The following BIRC6 variants were observed in gnomAD, a reference collection of about 807,000 sequenced individuals.
BIRC6 encodes dual E2 ubiquitin-conjugating enzyme/E3 ubiquitin-protein ligase BIRC6.
BIRC6 carries 98 observed loss-of-function variants against 503.3 expected under a neutral mutation model. The observed-to-expected ratio is 0.19, with a 90% confidence interval of 0.17 to 0.23. The LOEUF is 0.23. Ranked by LOEUF, BIRC6 falls within the 10% of genes least tolerant of loss-of-function variation. BIRC6 has a pLI of 1.00. For synonymous variants in BIRC6, 2,240 were observed against 2,078.7 expected, an observed-to-expected ratio of 1.08 and a Z score of -2.11; for missense variants, 5,360 against 5,806.0, an observed-to-expected ratio of 0.92 and a Z score of 2.50.
intron 8 of BIRC6, 43 bp from the exon 9 acceptor site, chr2:32,406,456 T>A: frequency 6.8e-7 from 1 of 1,460,032 alleles, no homozygotes; most frequent in Non-Finnish European, 9.5e-7. Context: ...TGATGTATAC[T>A]TTTTTTGAAA....
chr2:32,450,515 C>T (rs531330069), intron 22 of BIRC6, among the ~76,000 whole-genome samples: 1 of 152,186 alleles, frequency 6.6e-6, no homozygotes, highest in South Asian at 2.1e-4. Context: ...TGTTGTTCCT[C>T]ATTATTAGTC....
At chr2:32,561,207 A>C (rs929714630) in intron 65 of BIRC6, among the ~76,000 whole-genome samples, 4 of 151,822 alleles carry the variant, frequency 2.6e-5, no homozygotes, top group African/African-American at 9.7e-5. Flanking sequence ...CAAAAAAAAA[A>C]AAATTGACCT....
intron 33 of BIRC6, 56 bp from the exon 34 acceptor site, chr2:32,476,157 T>C (rs557467633): frequency 9.8e-5 from 133 of 1,361,906 alleles, no homozygotes; most frequent in Non-Finnish European, 6.9e-5. Flanking sequence ...AGGAGTATAA[T>C]AATTTTTTTG....
At chr2:32,537,780 C>T (rs887552525) in intron 61 of BIRC6, among the ~76,000 whole-genome samples, 7 of 151,986 alleles carry the variant, frequency 4.6e-5, no homozygotes, top group Non-Finnish European at 7.4e-5. Flanking sequence ...TCCTGGCTAA[C>T]GTGGTGAAAT....
Position 32,549,393 on chromosome 2 carries a change from C to T in BIRC6, c.13056C>T (p.Asn4352=). 2 of 1,519,334 alleles carry T rather than the reference C, an allele frequency of 1.3e-6. No individual in the cohort carries two copies. Among genetic ancestry groups the T allele is most frequent in the Non-Finnish European group, 1.8e-6 (2 of 1,114,108 alleles). The allele number at this position is 1,519,334 out of a possible 1,614,324, so 94.1% of individuals were successfully genotyped here. The part of the protein sequence containing the change: ...AQSSHETRGQ[N]SNALPSVLLE... ...CATCTCATGAGACTAGAGGGCAGAA[C>T]AGTAATGCCCTTCCTTCTGTACTTC... The change falls in exon 65 of 74, where the codon AAC becomes AAT. Residue 4352 remains asparagine, a synonymous_variant. Coordinates refer to ENST00000421745, the MANE Select transcript of BIRC6 (RefSeq NM_016252.4).
intron 66 of BIRC6, among the ~76,000 whole-genome samples, chr2:32,587,113 A>G (rs1967742): frequency 0.98 from 149,676 of 152,374 alleles, 73,562 homozygotes; most frequent in Middle Eastern, 1. Context: ...AAGGGGCCGG[A>G]CATTGTGGCT....
rs10528992 is a variant in BIRC6, at chr2:32,508,276, C to CTTTTTTTTTTTTTTTT, written c.9980+29_9980+44dup. 1.2e-4 allele frequency: 102 copies of CTTTTTTTTTTTTTTTT among 864,850 alleles called. 9 individuals are homozygous for CTTTTTTTTTTTTTTTT. The African/African-American group carries it at 2.4e-3, about 21-fold the overall frequency. The allele number at this position is 864,850 out of a possible 1,614,324, so 53.6% of individuals were successfully genotyped here. A position where few individuals can be genotyped will look rare whatever the true frequency, so the allele number is the denominator to read the frequency against. On this transcript the variant is annotated intron_variant, in intron 51 of 73. Coordinates refer to ENST00000421745, the MANE Select transcript of BIRC6 (RefSeq NM_016252.4). ...CAAAACAAGGTATGTTTTGTTTGTC[C>CTTTTTTTTTTTTTTTT]TTTTTTTTTTTTTTTTTTTTTTTTT...
chr2:32,416,299 C>T (rs1043537861), intron 10 of BIRC6, 136 bp downstream of exon 10: 85 of 922,740 alleles, frequency 9.2e-5, no homozygotes, highest in Non-Finnish European at 1.3e-4. Context: ...GTGGTAAATC[C>T]TTCTTTTTAA....
intron 65 of BIRC6, chr2:32,566,205 A>T (rs893493423): frequency 6.6e-6 from 1 of 152,156 alleles, no homozygotes; most frequent in Non-Finnish European, 1.5e-5. Flanking sequence ...GCATATTCTA[A>T]TTTTTTATGG....
chr2:32,579,558 C>T (rs1440125060), intron 66 of BIRC6, among the ~76,000 whole-genome samples: 2 of 152,006 alleles, frequency 1.3e-5, no homozygotes, highest in Non-Finnish European at 2.9e-5. Context: ...ATATCGTGGG[C>T]TGCACCTGTA....
intron 25 of BIRC6, 103 bp from the exon 26 acceptor site, chr2:32,464,962 A>G: frequency 7.5e-7 from 1 of 1,326,382 alleles, no homozygotes; most frequent in Non-Finnish European, 1.0e-6. Flanking sequence ...CAGTACATAC[A>G]TTAAGAGAAG....
chr2:32,587,463 T>A (rs1351297295), intron 66 of BIRC6, among the ~76,000 whole-genome samples: 4 of 152,156 alleles, frequency 2.6e-5, no homozygotes, highest in Non-Finnish European at 5.9e-5. Context: ...TTGGGCTAAG[T>A]GTGGCGGTTC....
intron 21 of BIRC6, among the ~76,000 whole-genome samples, chr2:32,446,303 T>G (rs536758442): frequency 6.6e-6 from 1 of 152,354 alleles, no homozygotes; most frequent in African/African-American, 2.4e-5. Flanking sequence ...TGGAATTATG[T>G]GAGTCACTTA....
At position 32,463,554 on chromosome 2, in the gene BIRC6, G is replaced by A. The variant is rs114769504; in HGVS notation, c.4941+173G>A. On this transcript the variant is annotated intron_variant, in intron 24 of 73. Transcript: ENST00000421745. ...TGTGATATTTAAATTGGTTAAAATT[G>A]TATGAATACATCTTATTTGATACAT... is the stretch of plus-strand genomic sequence containing the variant. 5.4e-3 allele frequency among the ~76,000 whole-genome samples: 824 copies of A among 152,294 alleles called. 11 individuals are homozygous for A. The highest frequency in any genetic ancestry group is 0.019 in the African/African-American group (774 of 41,574).
intron 10 of BIRC6, among the ~76,000 whole-genome samples, chr2:32,427,935 C>A (rs1277672288): frequency 6.6e-6 from 1 of 152,168 alleles, no homozygotes; most frequent in African/African-American, 2.4e-5. Context: ...TCTGTGAAAT[C>A]TGAATCTGTA....
chr2:32,567,184 G>A (rs1317935692), intron 65 of BIRC6, among the ~76,000 whole-genome samples: 2 of 152,020 alleles, frequency 1.3e-5, no homozygotes, highest in East Asian at 3.9e-4. Context: ...TGGCTAGGCT[G>A]GTCTTGAACT....
chr2:32,430,906 T>C lies in BIRC6; in HGVS notation c.3064T>C (p.Leu1022=), dbSNP rs758020563. The C allele has an allele frequency of 5.0e-6, 8 of 1,608,636 alleles. 1 individual carries two copies. The Admixed American group carries it at 5.0e-5, about 10-fold the overall frequency. ...LVDQPFTLEI[L]TSLVELTRFE... The stretch of plus-strand genomic sequence containing the variant: ...GGACCAGCCATTCACCCTTGAAATC[T>C]TGACATCCCTAGTGGAGCTAACCCG... Residue 1022 remains leucine, a synonymous_variant, in exon 12 of 74, where the codon TTG becomes CTG. Transcript: ENST00000421745.
intron 61 of BIRC6, among the ~76,000 whole-genome samples, chr2:32,539,618 T>C (rs1484729102): frequency 1.3e-5 from 2 of 152,160 alleles, no homozygotes; most frequent in Non-Finnish European, 2.9e-5. Flanking sequence ...CTACAAGATA[T>C]TTCAAAACGA....
At chr2:32,388,276 G>A (rs575063903) in intron 3 of BIRC6, among the ~76,000 whole-genome samples, 2 of 151,900 alleles carry the variant, frequency 1.3e-5, no homozygotes, top group Non-Finnish European at 2.9e-5. Flanking sequence ...AGCTACTCAA[G>A]GAGGCTGAGG....
Sources: allele counts gnomAD v4.1 joint callset (sites outside exome capture counted in the v4.1 genomes callset), GRCh38; gene constraint gnomAD v4.1.1; transcripts MANE v1.5; gene names NCBI Gene and HGNC (gene_info 2026-07-23, HGNC 2026-07-21).